BAIAP2L1: variants seen among roughly 807,000 people sequenced by gnomAD.
BAIAP2L1 encodes BAR/IMD domain-containing adapter protein 2-like 1.
Under a neutral mutation model 66.3 loss-of-function variants are expected in BAIAP2L1, and 35 were observed. That is an observed-to-expected ratio of 0.53 (90% CI 0.40 to 0.70). The LOEUF (loss-of-function observed/expected upper bound fraction) is 0.70. Ranked by LOEUF, BAIAP2L1 falls within the 30% of genes least tolerant of loss-of-function variation. The pLI, the probability that BAIAP2L1 is intolerant of heterozygous loss-of-function variation, is 0.00. For missense variants in BAIAP2L1, 622 were observed against 656.9 expected (o/e 0.95, Z 0.58); for synonymous variants, 269 against 248.7 (o/e 1.08, Z -0.77).
At chr7:98,385,682 G>A in intron 1 of BAIAP2L1, 1 of 857,762 alleles carries the variant, frequency 1.2e-6, no homozygotes, top group East Asian at 2.6e-5. Flanking sequence ...CCAAAGTGCT[G>A]GGATTATAGG....
At position 98,306,347 on chromosome 7, in the gene BAIAP2L1, G is replaced by A. The variant is rs1271725743; in HGVS notation, c.1241+92C>T. 10 of 1,461,002 alleles carry A rather than the reference G, an allele frequency of 6.8e-6. No homozygotes were observed. In the Admixed American group the frequency reaches 1.3e-4, roughly 20 times the overall value. 90.5% of individuals were successfully genotyped at this position (1,461,002 alleles called of 1,614,324 possible). A position where few individuals can be genotyped will look rare whatever the true frequency, so the allele number is the denominator to read the frequency against. ...TCCACGAGAGCTGAGGCTTAGGGCA[G>A]GGCCTGCGACACAGCTAGATGGTGG... On this transcript the variant is annotated intron_variant, in intron 11 of 13. Coordinates refer to ENST00000005260, the MANE Select transcript of BAIAP2L1 (RefSeq NM_018842.5).
intron 3 of BAIAP2L1, among the ~76,000 whole-genome samples, chr7:98,323,980 G>A (rs543050792): frequency 1.3e-5 from 2 of 152,220 alleles, no homozygotes; most frequent in Non-Finnish European, 2.9e-5. Context: ...TTTGCTCTTA[G>A]TTCGGTAACC....
At chr7:98,388,377 C>T (rs1345011856) in intron 1 of BAIAP2L1, among the ~76,000 whole-genome samples, 1 of 152,182 alleles carries the variant, frequency 6.6e-6, no homozygotes, top group Admixed American at 6.5e-5. Context: ...CCTGTAATCC[C>T]GGCTACTCGG....
intron 12 of BAIAP2L1, among the ~76,000 whole-genome samples, chr7:98,295,862 A>C (rs1219904023): frequency 6.6e-6 from 1 of 151,906 alleles, no homozygotes; most frequent in Non-Finnish European, 1.5e-5. Flanking sequence ...AGAAGCACCG[A>C]CTCCTGCCAG....
intron 2 of BAIAP2L1, among the ~76,000 whole-genome samples, chr7:98,359,508 TG>T (rs1802216147): frequency 6.6e-6 from 1 of 152,132 alleles, no homozygotes; most frequent in African/African-American, 2.4e-5. Flanking sequence ...CTTGACCTCG[TG>T]ATCCGCCCGC....
At chr7:98,305,671 C>T (rs1191998899) in intron 11 of BAIAP2L1, among the ~76,000 whole-genome samples, 1 of 152,166 alleles carries the variant, frequency 6.6e-6, no homozygotes, top group Non-Finnish European at 1.5e-5. Context: ...AATCCTCCTG[C>T]CTCCATCTCC....
At chr7:98,355,556 CA>C (rs60113566) in intron 2 of BAIAP2L1, 415 of 116,404 alleles carry the variant, frequency 3.6e-3, no homozygotes, top group South Asian at 9.8e-3. Flanking sequence ...CCCGCCTCTA[CA>C]AAAAAAAAAA....
chr7:98,306,738 C>T (rs1251004460), intron 10 of BAIAP2L1: 13 of 602,614 alleles, frequency 2.2e-5, no homozygotes, highest in East Asian at 3.6e-5. Flanking sequence ...GACAGGGTCT[C>T]GCTCTGTTGC....
chr7:98,391,700 C>A (rs1158959909), intron 1 of BAIAP2L1, among the ~76,000 whole-genome samples: 3 of 127,678 alleles, frequency 2.3e-5, no homozygotes, highest in Admixed American at 8.4e-5. Flanking sequence ...CAGAGTGAGA[C>A]TCCGTCTCAA....
intron 1 of BAIAP2L1, among the ~76,000 whole-genome samples, chr7:98,376,990 T>A (rs1802648549): frequency 6.6e-6 from 1 of 152,130 alleles, no homozygotes; most frequent in Non-Finnish European, 1.5e-5. Flanking sequence ...AGGGTGGGTG[T>A]AATCTAATCA....
chr7:98,370,513 C>CT (rs967710287), intron 1 of BAIAP2L1, among the ~76,000 whole-genome samples: 38 of 150,396 alleles, frequency 2.5e-4, no homozygotes, highest in Middle Eastern at 3.5e-3. Context: ...GAAATTTTGG[C>CT]TTTTTTTTTG....
At chr7:98,326,240 G>A (rs1375892210) in intron 3 of BAIAP2L1, among the ~76,000 whole-genome samples, 2 of 152,204 alleles carry the variant, frequency 1.3e-5, no homozygotes, top group Admixed American at 6.5e-5. Context: ...CTGTGCCACT[G>A]TACTCCGGCC....
At chr7:98,305,588 T>C (rs1016109245) in intron 11 of BAIAP2L1, among the ~76,000 whole-genome samples, 8 of 152,108 alleles carry the variant, frequency 5.3e-5, no homozygotes, top group Admixed American at 2.0e-4. Context: ...CCCTGGCTAA[T>C]TGTTTATTTT....
At chr7:98,346,046 A>G (rs1004673059) in intron 3 of BAIAP2L1, among the ~76,000 whole-genome samples, 5 of 152,226 alleles carry the variant, frequency 3.3e-5, no homozygotes, top group African/African-American at 1.2e-4. Flanking sequence ...AAAATATCCT[A>G]AAGTTAATTG....
chr7:98,296,421 T>A (rs970177864), intron 12 of BAIAP2L1, among the ~76,000 whole-genome samples: 3 of 151,884 alleles, frequency 2.0e-5, no homozygotes, highest in African/African-American at 7.3e-5. Context: ...AGGTCGGGAG[T>A]TCGAGACCAG....
rs192294506 is a variant in BAIAP2L1 at position 98,382,982 on chromosome 7, C to T, written c.51+17820G>A. Among the ~76,000 whole-genome samples the T allele has an allele frequency of 4.2e-4, 64 of 151,760 alleles. No homozygotes were observed. In the Middle Eastern group the frequency reaches 0.01, roughly 25 times the overall value. ...TTCGAGACCAGCCTGACCAACATGG[C>T]GAAACCCTGTCTCTACTAAAAATAC... is the stretch of plus-strand genomic sequence containing the variant. On this transcript the variant is annotated intron_variant, in intron 1 of 13. Transcript: ENST00000005260.
At chr7:98,375,088 A>AAAAAAAC (rs1191005193) in intron 1 of BAIAP2L1, among the ~76,000 whole-genome samples, 8 of 151,932 alleles carry the variant, frequency 5.3e-5, no homozygotes, top group South Asian at 2.1e-4. Flanking sequence ...CCCTGTCTCA[A>AAAAAAAC]AAAAAACAAA....
chr7:98,322,594 G>A (rs1008475924), intron 3 of BAIAP2L1, among the ~76,000 whole-genome samples: 2 of 152,164 alleles, frequency 1.3e-5, no homozygotes, highest in African/African-American at 4.8e-5. Flanking sequence ...GGGGCATGGC[G>A]TGTGAAGTCA....
At chr7:98,326,598 T>C (rs756212484) in intron 3 of BAIAP2L1, among the ~76,000 whole-genome samples, 4 of 151,930 alleles carry the variant, frequency 2.6e-5, no homozygotes, top group East Asian at 3.9e-4. Flanking sequence ...TTACAAGTCA[T>C]GGAAAAGTCT....
Sources: allele counts gnomAD v4.1 joint callset (sites outside exome capture counted in the v4.1 genomes callset), GRCh38; gene constraint gnomAD v4.1.1; transcripts MANE v1.5; gene names NCBI Gene and HGNC (gene_info 2026-07-23, HGNC 2026-07-21).